SYT1: variants seen among roughly 807,000 people sequenced by gnomAD.
SYT1 encodes synaptotagmin-1.
In SYT1, 8 loss-of-function variants were observed where a neutral mutation model predicts 44.8. The ratio of observed to expected loss-of-function variants is 0.18; its 90% CI spans 0.10 to 0.32. The LOEUF is 0.32. SYT1 is among the 10% of genes least tolerant of loss of function. The probability of loss-of-function intolerance (pLI) is 1.00; values close to 1 mark genes in which losing one functional copy is unlikely to be tolerated. For synonymous variants in SYT1, 154 were observed against 188.8 expected, an observed-to-expected ratio of 0.82 and a Z score of 1.51; for missense variants, 286 against 509.3, an observed-to-expected ratio of 0.56 and a Z score of 4.22.
At chr12:79,182,886 A>C (rs1872618778) in intron 3 of SYT1, among the ~76,000 whole-genome samples, 1 of 152,066 alleles carries the variant, frequency 6.6e-6, no homozygotes, top group South Asian at 2.1e-4. Context: ...AAGGCCTAAC[A>C]ATTTTAAAAA....
chr12:79,005,370 C>G (rs183249180), intron 2 of SYT1, among the ~76,000 whole-genome samples: 1 of 151,956 alleles, frequency 6.6e-6, no homozygotes, highest in Non-Finnish European at 1.5e-5. Context: ...TAAGGTCCCA[C>G]AAACCTGGAT....
intron 1 of SYT1, among the ~76,000 whole-genome samples, chr12:78,876,817 T>TAATATATATTATATGTATTA (rs372012277): frequency 6.9e-4 from 21 of 30,308 alleles, no homozygotes; most frequent in African/African-American, 1.6e-3. Context: ...GTAATACATA[T>TAATATATATTATATGTATTA]CATATATTAT....
intron 4 of SYT1, among the ~76,000 whole-genome samples, chr12:79,222,850 A>C (rs1875259304): frequency 6.6e-6 from 1 of 151,996 alleles, no homozygotes; most frequent in Admixed American, 6.6e-5. Flanking sequence ...TCAAAATCAA[A>C]GATTCTTTCT....
At chr12:79,400,127 C>A (rs144513365) in intron 9 of SYT1, among the ~76,000 whole-genome samples, 18 of 152,204 alleles carry the variant, frequency 1.2e-4, no homozygotes, top group African/African-American at 3.4e-4. Flanking sequence ...CAAGTCATTC[C>A]CTCTCCTTCA....
At chr12:79,120,143 A>AT (rs1879515190) in intron 3 of SYT1, among the ~76,000 whole-genome samples, 1 of 152,104 alleles carries the variant, frequency 6.6e-6, no homozygotes, top group Non-Finnish European at 1.5e-5. Flanking sequence ...TTAGGAAAAA[A>AT]TATATATATA....
At chr12:79,108,421 C>A (rs1878833002) in intron 3 of SYT1, among the ~76,000 whole-genome samples, 1 of 151,554 alleles carries the variant, frequency 6.6e-6, no homozygotes, top group Non-Finnish European at 1.5e-5. Context: ...GTAATTGGCA[C>A]TGAAAATAAG....
intron 8 of SYT1, among the ~76,000 whole-genome samples, chr12:79,347,965 G>T (rs1218365322): frequency 6.6e-6 from 1 of 152,110 alleles, no homozygotes; most frequent in Non-Finnish European, 1.5e-5. Context: ...ATTCATACCA[G>T]TATCTAGGAG....
intron 8 of SYT1, among the ~76,000 whole-genome samples, chr12:79,339,139 G>A (rs932601533): frequency 7.2e-5 from 11 of 152,186 alleles, no homozygotes; most frequent in African/African-American, 2.7e-4. Context: ...ACGTGTGCAT[G>A]TGTCTTTATA....
chr12:79,305,864 T>G (rs2138904916), intron 8 of SYT1, among the ~76,000 whole-genome samples: 1 of 152,210 alleles, frequency 6.6e-6, no homozygotes, highest in Non-Finnish European at 1.5e-5. Context: ...GCCCAGCTAT[T>G]TTTTGTATTT....
chr12:79,353,870 G>A (rs1249977276), intron 9 of SYT1, among the ~76,000 whole-genome samples: 1 of 152,068 alleles, frequency 6.6e-6, no homozygotes, highest in Non-Finnish European at 1.5e-5. Flanking sequence ...CTTTTTAATG[G>A]CATTGAAAGC....
intron 9 of SYT1, among the ~76,000 whole-genome samples, chr12:79,405,572 C>A (rs1030337100): frequency 2.6e-5 from 4 of 152,084 alleles, no homozygotes; most frequent in African/African-American, 9.7e-5. Context: ...GACCCCTGCC[C>A]TCAAGGCTTC....
intron 3 of SYT1, among the ~76,000 whole-genome samples, chr12:79,116,070 T>A (rs4435069): frequency 0.99 from 150,329 of 152,338 alleles, 74,182 homozygotes; most frequent in East Asian, 1. Flanking sequence ...GACCTTGGAA[T>A]TATCATTTGT....
intron 1 of SYT1, among the ~76,000 whole-genome samples, chr12:78,901,454 A>G (rs891841449): frequency 6.6e-6 from 1 of 152,064 alleles, no homozygotes; most frequent in South Asian, 2.1e-4. Flanking sequence ...GGGATTGGAG[A>G]CAGCAAAGGG....
At chr12:78,867,511 T>G (rs1268485446) in intron 1 of SYT1, among the ~76,000 whole-genome samples, 1 of 152,068 alleles carries the variant, frequency 6.6e-6, no homozygotes, top group Non-Finnish European at 1.5e-5. Context: ...TCCCACAAAA[T>G]AGTCTAATGT....
chr12:78,914,804 TATTA>T (rs1876554484), intron 1 of SYT1, among the ~76,000 whole-genome samples: 1 of 152,092 alleles, frequency 6.6e-6, no homozygotes, highest in South Asian at 2.1e-4. Flanking sequence ...TATTTTTATG[TATTA>T]ATTCATGTAA....
intron 5 of SYT1, chr12:79,291,669 G>A (rs1879588271): frequency 2.4e-6 from 1 of 419,732 alleles, no homozygotes; most frequent in Admixed American, 2.7e-5. Flanking sequence ...CTGGTTAGTA[G>A]CATGTTTATC....
chr12:79,152,278 G>A (rs1030890792), intron 3 of SYT1, among the ~76,000 whole-genome samples: 2 of 152,116 alleles, frequency 1.3e-5, no homozygotes, highest in Non-Finnish European at 2.9e-5. Context: ...TACAGAATTT[G>A]ATCAGGAGGA....
intron 2 of SYT1, among the ~76,000 whole-genome samples, chr12:78,989,402 A>G (rs1324673745): frequency 6.6e-6 from 1 of 152,088 alleles, no homozygotes; most frequent in Admixed American, 6.6e-5. Context: ...CCAACTCTAG[A>G]GAGTACCAAG....
At chr12:78,876,576 TAC>T (rs1038933555) in intron 1 of SYT1, among the ~76,000 whole-genome samples, 5 of 138,406 alleles carry the variant, frequency 3.6e-5, no homozygotes, top group East Asian at 4.4e-4. Context: ...TACACACATA[TAC>T]ACACACACGT....
Sources: allele counts gnomAD v4.1 joint callset (sites outside exome capture counted in the v4.1 genomes callset), GRCh38; gene constraint gnomAD v4.1.1; transcripts MANE v1.5; gene names NCBI Gene and HGNC (gene_info 2026-07-23, HGNC 2026-07-21).